Variants in PLCG2 observed in about 807,000 individuals in gnomAD.
PLCG2 encodes the protein phospholipase C gamma 2, also known as 1-phosphatidylinositol 4,5-bisphosphate phosphodiesterase gamma-2.
Under a neutral mutation model 175.6 loss-of-function variants are expected in PLCG2, and 69 were observed. The observed-to-expected ratio is 0.39, with a 90% CI of 0.32 to 0.48. The LOEUF (loss-of-function observed/expected upper bound fraction) is 0.48. PLCG2 is among the 20% of genes least tolerant of loss of function. PLCG2 has a pLI of 0.91. For synonymous variants in PLCG2, 827 were observed against 624.0 expected (o/e 1.33, Z -4.85); for missense variants, 1,798 against 1,650.9 (o/e 1.09, Z -1.54).
At chr16:81,945,181 G>A (rs528784405) in intron 30 of PLCG2, among the ~76,000 whole-genome samples, 8 of 152,326 alleles carry the variant, frequency 5.3e-5, no homozygotes, top group African/African-American at 1.9e-4. Context: ...TTGTTTGAAG[G>A]TGATAAAGCA....
At chr16:81,838,636 G>A (rs532469648) in intron 2 of PLCG2, among the ~76,000 whole-genome samples, 5 of 151,964 alleles carry the variant, frequency 3.3e-5, no homozygotes, top group South Asian at 2.1e-4. Context: ...GAGGGAGAGC[G>A]TTAGGACAAA....
chr16:81,922,371 A>G (rs747258240), intron 21 of PLCG2, among the ~76,000 whole-genome samples: 1 of 152,246 alleles, frequency 6.6e-6, no homozygotes, highest in Non-Finnish European at 1.5e-5. Flanking sequence ...GGGCATACTC[A>G]TATAACTACT....
intron 5 of PLCG2, among the ~76,000 whole-genome samples, chr16:81,868,933 G>A (rs1907377031): frequency 6.6e-6 from 1 of 152,062 alleles, no homozygotes; most frequent in Non-Finnish European, 1.5e-5. Context: ...TATGTCCCTG[G>A]ACATACCTGA....
Position 81,905,442 on chromosome 16 carries a change from A to T in PLCG2, c.1402A>T (p.Met468Leu). The change falls in exon 15 of 33, where the codon ATG becomes TTG. Residue 468 changes from methionine to leucine, a missense_variant. Physicochemically the swap from Met to Leu is conservative, Grantham distance 15. Transcript: ENST00000564138. ...LGPRGDVDVN[M>L]EDKKDEHKQQ... ...CCCCCGAGGCGATGTGGATGTCAACATGGAGGACAAGAAGGACGAACACAA... is the reference window on the plus strand; with the variant it reads ...CCCCCGAGGCGATGTGGATGTCAACTTGGAGGACAAGAAGGACGAACACAA... 6.2e-7 allele frequency: 1 copy of T among 1,614,214 alleles called. No homozygotes were observed. The highest frequency in any genetic ancestry group is 8.5e-7 in the Non-Finnish European group (1 of 1,180,016).
chr16:81,851,510 GT>G (rs1318543749), intron 2 of PLCG2, among the ~76,000 whole-genome samples: 1 of 151,720 alleles, frequency 6.6e-6, no homozygotes, highest in African/African-American at 2.4e-5. Flanking sequence ...TGGCCTTTTT[GT>G]TGTTGTTGTT....
chr16:81,931,667 T>C lies in PLCG2; in HGVS notation c.2739+13T>C, dbSNP rs746983407. ...GATTGACACCAAGGTAGGCACCTGC[T>C]CACCCGGGTGCAGGTGGGCCTGGCA... On this transcript the variant is annotated intron_variant, in intron 25 of 32. Transcript: ENST00000564138. The C allele has an allele frequency of 1.2e-6, 2 of 1,609,924 alleles. No individual in the cohort carries two copies. Among genetic ancestry groups the C allele is most frequent in the Non-Finnish European group, 1.7e-6 (2 of 1,176,486 alleles).
chr16:81,803,501 T>C (rs1911835301), intron 2 of PLCG2, among the ~76,000 whole-genome samples: 1 of 148,300 alleles, frequency 6.7e-6, no homozygotes, highest in Non-Finnish European at 1.5e-5. Context: ...TTGGTTACTG[T>C]TTTCATTTTC....
At chr16:81,813,843 T>C (rs1462260546) in intron 2 of PLCG2, among the ~76,000 whole-genome samples, 1 of 152,196 alleles carries the variant, frequency 6.6e-6, no homozygotes, top group Non-Finnish European at 1.5e-5. Context: ...TGTGATGGCT[T>C]CCAAGGGACA....
chr16:81,936,360 C>G lies in PLCG2; in HGVS notation c.3034C>G (p.Leu1012Val), dbSNP rs1597143704. 3.1e-6 allele frequency: 5 copies of G among 1,613,948 alleles called. No homozygotes were observed. The East Asian group carries it at 1.1e-4, about 36-fold the overall frequency. ...LWLCGSQMVA[L>V]NFQTADKYMQ... ...GCTGTGCGGTTCTCAGATGGTGGCA[C>G]TCAATTTCCAGACGGCAGGTAAAGG... is the stretch of plus-strand genomic sequence containing the variant. The change falls in exon 27 of 33, where the codon CTC becomes GTC. Residue 1012 changes from leucine to valine, a missense_variant. By Grantham distance (32) the Leu-to-Val change is conservative. Coordinates refer to ENST00000564138, the MANE Select transcript of PLCG2 (RefSeq NM_002661.5).
chr16:81,917,778 G>A (rs944121651), intron 19 of PLCG2, among the ~76,000 whole-genome samples: 9 of 152,170 alleles, frequency 5.9e-5, no homozygotes, highest in African/African-American at 2.2e-4. Context: ...CTGGAGTGCA[G>A]TGGTGTGATC....
intron 2 of PLCG2, among the ~76,000 whole-genome samples, chr16:81,802,468 C>G (rs1374688294): frequency 6.6e-6 from 1 of 151,860 alleles, no homozygotes; most frequent in Non-Finnish European, 1.5e-5. Context: ...ACCAAGTGTT[C>G]CCAGTAGATG....
intron 10 of PLCG2, among the ~76,000 whole-genome samples, chr16:81,889,944 C>T (rs1473421019): frequency 1.3e-5 from 2 of 152,044 alleles, no homozygotes; most frequent in Admixed American, 6.6e-5. Flanking sequence ...TGTGAGCCAC[C>T]GCACCTGGCG....
At chr16:81,899,921 A>C (rs1909072324) in intron 13 of PLCG2, among the ~76,000 whole-genome samples, 1 of 152,220 alleles carries the variant, frequency 6.6e-6, no homozygotes, top group Admixed American at 6.5e-5. Flanking sequence ...AAAGGCCCTG[A>C]TCCTGTATTT....
chr16:81,792,234 G>C (rs551227320), intron 2 of PLCG2, among the ~76,000 whole-genome samples: 37 of 151,774 alleles, frequency 2.4e-4, no homozygotes, highest in Admixed American at 2.3e-3. Flanking sequence ...GTAATCCCAG[G>C]ACTTTGGGAG....
intron 9 of PLCG2, among the ~76,000 whole-genome samples, chr16:81,884,601 CTG>C (rs34497020): frequency 0.16 from 24,565 of 150,306 alleles, 3,620 homozygotes; most frequent in African/African-American, 0.39. Flanking sequence ...TTGTATGGAT[CTG>C]TGTGTGTGTG....
intron 2 of PLCG2, among the ~76,000 whole-genome samples, chr16:81,772,693 C>A (rs1013695316): frequency 1.3e-5 from 2 of 150,234 alleles, no homozygotes; most frequent in Admixed American, 6.6e-5. Context: ...TGGTGCATGC[C>A]TGTAATCCCA....
At chr16:81,751,223 C>T (rs1192185373) in intron 1 of PLCG2, among the ~76,000 whole-genome samples, 2 of 152,024 alleles carry the variant, frequency 1.3e-5, no homozygotes, top group Admixed American at 6.6e-5. Context: ...TCAGGTGATC[C>T]ACCTGCCTCA....
At chr16:81,900,923 T>A in intron 14 of PLCG2, 143 bp downstream of exon 14, 1 of 685,520 alleles carries the variant, frequency 1.5e-6, no homozygotes, top group Non-Finnish European at 2.4e-6. Flanking sequence ...CTCTCCTTAC[T>A]AACACTGTGA....
chr16:81,884,207 C>T (rs1908237803), intron 9 of PLCG2, among the ~76,000 whole-genome samples: 1 of 152,114 alleles, frequency 6.6e-6, no homozygotes, highest in Non-Finnish European at 1.5e-5. Flanking sequence ...AAAAATTAGG[C>T]AGGCATTGTG....
Sources: gnomAD v4.1 joint callset for allele counts (sites outside exome capture counted in the v4.1 genomes callset) on GRCh38, gnomAD v4.1.1 for gene constraint, MANE v1.5 for transcripts, NCBI Gene and HGNC (gene_info 2026-07-23, HGNC 2026-07-21) for gene names.